Variants in PRKG2 observed in about 807,000 individuals in gnomAD.
The protein encoded by PRKG2 is cGMP-dependent protein kinase 2.
In PRKG2, 33 loss-of-function variants were observed where a neutral mutation model predicts 97.2. That is an observed-to-expected ratio of 0.34 (90% CI 0.26 to 0.45). The LOEUF (loss-of-function observed/expected upper bound fraction) is 0.45, where lower values mean the gene tolerates loss of function less well. Among genes scored for constraint, PRKG2 ranks in the 20% least tolerant of loss-of-function variants. The pLI is 1.00. For missense variants in PRKG2, 638 were observed against 900.0 expected, an observed-to-expected ratio of 0.71 and a Z score of 3.73; for synonymous variants, 330 against 321.8, an observed-to-expected ratio of 1.03 and a Z score of -0.27.
At chr4:81,135,745 G>T (rs777351353) in intron 13 of PRKG2, among the ~76,000 whole-genome samples, 2 of 151,882 alleles carry the variant, frequency 1.3e-5, no homozygotes, top group African/African-American at 2.4e-5. Context: ...CCGTAAAAAT[G>T]GAATCATAAG....
chr4:81,102,445 T>C (rs1331850880), intron 17 of PRKG2, among the ~76,000 whole-genome samples: 1 of 152,184 alleles, frequency 6.6e-6, no homozygotes, highest in African/African-American at 2.4e-5. Context: ...TTCCTCAATA[T>C]GAATAGTGTG....
intron 3 of PRKG2, among the ~76,000 whole-genome samples, chr4:81,173,062 C>G (rs972336192): frequency 2.0e-5 from 3 of 152,092 alleles, no homozygotes; most frequent in Admixed American, 2.0e-4. Context: ...AAGTTTTTAT[C>G]TTGAAATTGG....
intron 9 of PRKG2, among the ~76,000 whole-genome samples, chr4:81,147,376 C>T (rs1474475570): frequency 6.6e-6 from 1 of 152,118 alleles, no homozygotes; most frequent in East Asian, 1.9e-4. Context: ...ATTATTGATA[C>T]AATACTGTAC....
chr4:81,199,198 T>C (rs572765468), intron 2 of PRKG2, among the ~76,000 whole-genome samples: 1 of 152,174 alleles, frequency 6.6e-6, no homozygotes, highest in African/African-American at 2.4e-5. Context: ...CAGTATTTCA[T>C]GGAAGGGAAA....
chr4:81,177,747 C>T (rs1306580659), intron 2 of PRKG2, among the ~76,000 whole-genome samples: 1 of 152,050 alleles, frequency 6.6e-6, no homozygotes, highest in African/African-American at 2.4e-5. Flanking sequence ...CTATGACAGA[C>T]CAGCTATTAC....
intron 2 of PRKG2, among the ~76,000 whole-genome samples, chr4:81,202,218 A>G (rs952204571): frequency 7.9e-5 from 12 of 152,330 alleles, no homozygotes; most frequent in African/African-American, 2.6e-4. Flanking sequence ...AAAAATATCC[A>G]AAGTTTACTT....
intron 17 of PRKG2, among the ~76,000 whole-genome samples, chr4:81,097,454 T>C (rs1479061162): frequency 1.3e-5 from 2 of 152,178 alleles, no homozygotes; most frequent in Non-Finnish European, 2.9e-5. Flanking sequence ...TTAAGGGCCT[T>C]AGGATTTTTA....
intron 14 of PRKG2, among the ~76,000 whole-genome samples, chr4:81,116,187 T>G (rs2109992274): frequency 6.6e-6 from 1 of 152,240 alleles, no homozygotes; most frequent in African/African-American, 2.4e-5. Flanking sequence ...CCTCCTGCTA[T>G]CCTCCACCCT....
rs1752192390 is a variant in PRKG2 at position 81,189,066 on chromosome 4, T to TAAAATAAAAAAAAAAAAAA, written c.462-14108_462-14107insTTTTTTTTTTTTTTATTTT. Among the ~76,000 whole-genome samples the TAAAATAAAAAAAAAAAAAA allele has an allele frequency of 1.4e-3, 24 of 17,052 alleles. 1 individual carries two copies. The highest frequency in any genetic ancestry group is 2.4e-3 in the African/African-American group (3 of 1,258). The allele number at this position is 17,052 out of a possible 152,430, so 11.2% of individuals were successfully genotyped here. ...AAAAAAAAAAGATTAAAAAAAATAA[T>TAAAATAAAAAAAAAAAAAA]AAAAAAAAAAAAAAAAAAAAAAAAA... is the stretch of plus-strand genomic sequence containing the variant. On this transcript the variant is annotated intron_variant, in intron 2 of 18. Transcript: ENST00000264399.
chr4:81,199,628 C>T (rs1424774392), intron 2 of PRKG2, among the ~76,000 whole-genome samples: 10 of 152,038 alleles, frequency 6.6e-5, no homozygotes, highest in Admixed American at 4.6e-4. Flanking sequence ...TCAGTATTTG[C>T]GAGGCATTCA....
intron 2 of PRKG2, among the ~76,000 whole-genome samples, chr4:81,177,090 C>G (rs576768806): frequency 6.6e-6 from 1 of 152,092 alleles, no homozygotes; most frequent in Non-Finnish European, 1.5e-5. Context: ...CTCAACCTTT[C>G]CAAACCTTAT....
rs1481420599 is a variant in PRKG2 at position 81,153,667 on chromosome 4, A to C, written c.967T>G (p.Phe323Val). Residue 323 changes from phenylalanine to valine, a missense_variant, in exon 7 of 19, where the codon TTT becomes GTT. Around this residue, in one of 3 missense-constraint regions of PRKG2, gnomAD observed 332 missense variants for 421.7 expected, o/e 0.79. Transcript: ENST00000264399. ...IIREGEEGST[F>V]FILAKGKVKV... ...ACCTTTCCTTTTGCCAAAATGAAAAAGGTACTTCCTTCCTCGCCCTCTCTA... is the reference window on the plus strand; with the variant it reads ...ACCTTTCCTTTTGCCAAAATGAAAACGGTACTTCCTTCCTCGCCCTCTCTA... 1.2e-6 allele frequency: 2 copies of C among 1,601,038 alleles called. No homozygotes were observed. Among genetic ancestry groups the C allele is most frequent in the Non-Finnish European group, 1.7e-6 (2 of 1,168,360 alleles).
At chr4:81,178,608 T>C (rs1332772797) in intron 2 of PRKG2, among the ~76,000 whole-genome samples, 1 of 150,316 alleles carries the variant, frequency 6.7e-6, no homozygotes. Context: ...TCCGATAAAA[T>C]GCAGCTGATA....
chr4:81,149,455 G>A (rs1748175431), intron 8 of PRKG2, among the ~76,000 whole-genome samples: 1 of 152,130 alleles, frequency 6.6e-6, no homozygotes, highest in African/African-American at 2.4e-5. Flanking sequence ...AGTGTAAAGT[G>A]TATATTTTTC....
chr4:81,188,361 A>C (rs1752091323), intron 2 of PRKG2, among the ~76,000 whole-genome samples: 1 of 149,248 alleles, frequency 6.7e-6, no homozygotes, highest in Non-Finnish European at 1.5e-5. Context: ...ATCATTAAAA[A>C]GTCAGGAAAC....
At chr4:81,154,530 G>T (rs1464181558) in intron 6 of PRKG2, among the ~76,000 whole-genome samples, 1 of 109,424 alleles carries the variant, frequency 9.1e-6, no homozygotes, top group Non-Finnish European at 1.6e-5. Flanking sequence ...ACACGGCAGG[G>T]TACTCCAACA....
chr4:81,208,581 T>A (rs947371780), intron 1 of PRKG2, among the ~76,000 whole-genome samples: 3 of 152,082 alleles, frequency 2.0e-5, no homozygotes, highest in African/African-American at 7.2e-5. Context: ...ACCACCATGC[T>A]TGACTGATTT....
chr4:81,099,551 T>C (rs1389765259), intron 17 of PRKG2, among the ~76,000 whole-genome samples: 2 of 152,170 alleles, frequency 1.3e-5, no homozygotes, highest in African/African-American at 4.8e-5. Flanking sequence ...GAGGTATTGA[T>C]GGGACGTATC....
At chr4:81,142,404 A>G (rs1747384009) in intron 11 of PRKG2, among the ~76,000 whole-genome samples, 1 of 152,200 alleles carries the variant, frequency 6.6e-6, no homozygotes, top group Admixed American at 6.5e-5. Context: ...CCTCTATGGC[A>G]TTTTCACTTG....
Sources: gnomAD v4.1 joint callset for allele counts (sites outside exome capture counted in the v4.1 genomes callset) on GRCh38, gnomAD v4.1.1 for gene constraint, gnomAD v4.1.1 regional missense constraint, MANE v1.5 for transcripts, NCBI Gene and HGNC (gene_info 2026-07-23, HGNC 2026-07-21) for gene names.